The following PRKD1 variants were observed in gnomAD, a reference collection of about 807,000 sequenced individuals.
PRKD1 encodes the protein protein kinase D1.
In PRKD1, 63 loss-of-function variants were observed where a neutral mutation model predicts 95.9. The ratio of observed to expected loss-of-function variants is 0.66; its 90% CI spans 0.54 to 0.81. The LOEUF (loss-of-function observed/expected upper bound fraction) is 0.81. PRKD1 is among the 30% of genes least tolerant of loss of function. The probability of loss-of-function intolerance (pLI) is 0.00; values close to 1 mark genes in which losing one functional copy is unlikely to be tolerated. For missense variants in PRKD1, 1,048 were observed against 1,165.3 expected, an observed-to-expected ratio of 0.90 and a Z score of 1.47; for synonymous variants, 425 against 423.1, an observed-to-expected ratio of 1.00 and a Z score of -0.05.
intron 1 of PRKD1, among the ~76,000 whole-genome samples, chr14:29,780,997 G>T (rs1471712442): frequency 6.6e-6 from 1 of 152,036 alleles, no homozygotes; most frequent in Admixed American, 6.5e-5. Flanking sequence ...TAGGGACATG[G>T]ATGAAGCTGG....
At chr14:29,580,904 A>G (rs766593633) in intron 16 of PRKD1, among the ~76,000 whole-genome samples, 3 of 152,086 alleles carry the variant, frequency 2.0e-5, no homozygotes, top group Non-Finnish European at 4.4e-5. Context: ...TAAAAAGTTA[A>G]TGATCAAGCC....
chr14:29,777,617 A>T (rs1013072918), intron 1 of PRKD1, among the ~76,000 whole-genome samples: 1 of 152,238 alleles, frequency 6.6e-6, no homozygotes, highest in Non-Finnish European at 1.5e-5. Flanking sequence ...ATATGAACCC[A>T]ATACGGGAGC....
At position 29,886,941 on chromosome 14, in the gene PRKD1, T is replaced by C. The variant is rs141762176; in HGVS notation, c.264+40308A>G. Among the ~76,000 whole-genome samples, 871 of 152,310 alleles carry C rather than the reference T, an allele frequency of 5.7e-3. 6 individuals carry two copies. Among genetic ancestry groups the C allele is most frequent in the Middle Eastern group, 0.027 (8 of 294 alleles). The stretch of plus-strand genomic sequence containing the variant: ...CGTCCTTTGATGGTAGGTGCTGTCA[T>C]TTCAACACACAATGATTGACATTTG... On this transcript the variant is annotated intron_variant, in intron 1 of 17. Transcript: ENST00000331968.
At chr14:29,874,675 T>G (rs1472532750) in intron 1 of PRKD1, among the ~76,000 whole-genome samples, 1 of 152,188 alleles carries the variant, frequency 6.6e-6, no homozygotes, top group African/African-American at 2.4e-5. Context: ...AATGAAATCT[T>G]GTCATTTGCA....
At chr14:29,806,607 C>T (rs1297158268) in intron 1 of PRKD1, among the ~76,000 whole-genome samples, 1 of 152,124 alleles carries the variant, frequency 6.6e-6, no homozygotes, top group Admixed American at 6.5e-5. Flanking sequence ...TTCGACTGTT[C>T]AGGTAAGTAT....
chr14:29,871,507 T>C (rs1461483880), intron 1 of PRKD1, among the ~76,000 whole-genome samples: 1 of 152,224 alleles, frequency 6.6e-6, no homozygotes, highest in Non-Finnish European at 1.5e-5. Flanking sequence ...TGCCATTTAA[T>C]ATGTGACCTC....
chr14:29,745,257 T>C (rs1407939227), intron 1 of PRKD1, among the ~76,000 whole-genome samples: 1 of 152,188 alleles, frequency 6.6e-6, no homozygotes, highest in East Asian at 1.9e-4. Context: ...GATATATCTA[T>C]CTTTTTAAAA....
rs1426203683 is a variant in PRKD1 at position 29,666,279 on chromosome 14, T to C, written c.404-71A>G. 2.7e-6 allele frequency: 4 copies of C among 1,476,502 alleles called. 1 individual carries two copies. The South Asian group carries it at 4.1e-5, about 15-fold the overall frequency. The allele number at this position is 1,476,502 out of a possible 1,614,324, so 91.5% of individuals were successfully genotyped here. ...ATCTGTAAATAAAAAGTATGCAAGA[T>C]AATAAATATGCCAGTACGGATATAA... On this transcript the variant is annotated intron_variant, in intron 2 of 17. Coordinates refer to ENST00000331968, the MANE Select transcript of PRKD1 (RefSeq NM_002742.3).
intron 3 of PRKD1, 152 bp from the exon 4 acceptor site, chr14:29,664,011 A>T (rs1882340148): frequency 3.5e-6 from 3 of 863,216 alleles, no homozygotes; most frequent in Non-Finnish European, 5.2e-6. Flanking sequence ...CATTCTCTGA[A>T]TTTTTTTTCC....
At chr14:29,599,349 C>G (rs1438814508) in intron 14 of PRKD1, among the ~76,000 whole-genome samples, 2 of 152,054 alleles carry the variant, frequency 1.3e-5, no homozygotes, top group Admixed American at 1.3e-4. Context: ...AGATAAAAGA[C>G]CTATATCTAA....
At chr14:29,595,805 T>A (rs1594347366) in intron 16 of PRKD1, among the ~76,000 whole-genome samples, 1 of 152,204 alleles carries the variant, frequency 6.6e-6, no homozygotes, top group Non-Finnish European at 1.5e-5. Flanking sequence ...GCTTCAGTGG[T>A]ATTACGGATT....
intron 1 of PRKD1, among the ~76,000 whole-genome samples, chr14:29,759,102 G>A (rs753170595): frequency 2.6e-5 from 4 of 152,184 alleles, no homozygotes; most frequent in Non-Finnish European, 5.9e-5. Context: ...CTAGTCTAAG[G>A]AGACTGTTGT....
chr14:29,589,070 T>C (rs998216430), intron 16 of PRKD1, among the ~76,000 whole-genome samples: 5 of 151,994 alleles, frequency 3.3e-5, no homozygotes, highest in Non-Finnish European at 5.9e-5. Context: ...GCCTCTCTAA[T>C]GGCATATAAA....
At chr14:29,832,730 T>C (rs112226692) in intron 1 of PRKD1, among the ~76,000 whole-genome samples, 5 of 152,238 alleles carry the variant, frequency 3.3e-5, no homozygotes, top group African/African-American at 1.2e-4. Flanking sequence ...ATACTATTCA[T>C]TTGCTTTAAG....
At chr14:29,723,872 G>A (rs962541758) in intron 2 of PRKD1, among the ~76,000 whole-genome samples, 1 of 152,048 alleles carries the variant, frequency 6.6e-6, no homozygotes, top group East Asian at 1.9e-4. Context: ...GTAAGGAAAT[G>A]GGCTGCTCTT....
chr14:29,810,166 C>T (rs1890420276), intron 1 of PRKD1, among the ~76,000 whole-genome samples: 1 of 152,122 alleles, frequency 6.6e-6, no homozygotes, highest in East Asian at 1.9e-4. Context: ...TCATTCATCA[C>T]AGATCACCAT....
At position 29,819,714 on chromosome 14, in the gene PRKD1, C is replaced by CATAAA. The variant is rs545054339; in HGVS notation, c.265-94045_265-94041dup. Reference sequence around the variant, plus strand: ...CAAAAAATAAAATAAAATAAAATAACATAAAATAAAATAAAATAAAATAAA... The same window carrying CATAAA: ...CAAAAAATAAAATAAAATAAAATAACATAAAATAAAATAAAATAAAATAAAATAAA... On this transcript the variant is annotated intron_variant, in intron 1 of 17. Coordinates refer to ENST00000331968, the MANE Select transcript of PRKD1 (RefSeq NM_002742.3). 2.7e-3 allele frequency among the ~76,000 whole-genome samples: 405 copies of CATAAA among 151,794 alleles called. 5 individuals carry two copies. Among genetic ancestry groups the CATAAA allele is most frequent in the South Asian group, 0.021 (102 of 4,808 alleles).
chr14:29,597,478 TGGA>T lies in PRKD1; in HGVS notation c.2434+10_2434+12del, dbSNP rs1893350262. The T allele has an allele frequency of 1.3e-6, 2 of 1,562,592 alleles. No individual in the cohort carries two copies. The highest frequency in any genetic ancestry group is 1.7e-6 in the Non-Finnish European group (2 of 1,145,952). On this transcript the variant is annotated intron_variant, in intron 16 of 17. Coordinates refer to ENST00000331968, the MANE Select transcript of PRKD1 (RefSeq NM_002742.3). ...GGATTAGATTATTATCATTTTTGAA[TGGA>T]AGATATTACCTTCATGAGATATTTC...
At chr14:29,760,798 A>C (rs1168457957) in intron 1 of PRKD1, among the ~76,000 whole-genome samples, 1 of 152,142 alleles carries the variant, frequency 6.6e-6, no homozygotes, top group Non-Finnish European at 1.5e-5. Flanking sequence ...TTTTAAACAC[A>C]TTTGCCTTGA....
Sources: allele counts gnomAD v4.1 joint callset (sites outside exome capture counted in the v4.1 genomes callset), GRCh38; gene constraint gnomAD v4.1.1; transcripts MANE v1.5; gene names NCBI Gene and HGNC (gene_info 2026-07-23, HGNC 2026-07-21).